RFX3: variants seen among roughly 807,000 people sequenced by gnomAD.
The protein encoded by RFX3 is transcription factor RFX3.
Under a neutral mutation model 98.6 loss-of-function variants are expected in RFX3, and 14 were observed. That is an observed-to-expected ratio of 0.14 (90% CI 0.09 to 0.22). The LOEUF is 0.22. Among genes scored for constraint, RFX3 ranks in the 10% least tolerant of loss-of-function variants. The pLI is 1.00. For missense variants in RFX3, 639 were observed against 926.9 expected (o/e 0.69, Z 4.03); for synonymous variants, 383 against 328.4 (o/e 1.17, Z -1.80).
chr9:3,463,119 T>C (rs1847857364), intron 1 of RFX3, among the ~76,000 whole-genome samples: 1 of 152,128 alleles, frequency 6.6e-6, no homozygotes, highest in Non-Finnish European at 1.5e-5. Flanking sequence ...TGGGAGGGAT[T>C]ATATATTACT....
Position 3,235,994 on chromosome 9 carries a change from G to C in RFX3, c.1969-7105C>G, listed in dbSNP as rs577977007. Reference sequence around the variant, plus strand: ...TTTTTAAATTATCACATTTGCTTGAGTGAAACCATATGACTTTTTTTTTCT... The same window carrying C: ...TTTTTAAATTATCACATTTGCTTGACTGAAACCATATGACTTTTTTTTTCT... On this transcript the variant is annotated intron_variant, in intron 15 of 16. Coordinates refer to ENST00000617270, the MANE Select transcript of RFX3 (RefSeq NM_001282116.2). Among the ~76,000 whole-genome samples the C allele has an allele frequency of 8.5e-4, 130 of 152,180 alleles. 1 individual carries two copies. Among genetic ancestry groups the C allele is most frequent in the South Asian group, 4.8e-3 (23 of 4,826 alleles).
At chr9:3,296,829 C>T (rs765691821) in intron 5 of RFX3, among the ~76,000 whole-genome samples, 3 of 152,022 alleles carry the variant, frequency 2.0e-5, no homozygotes, top group Non-Finnish European at 1.5e-5. Context: ...TAACCCACCT[C>T]GGGCTAGATC....
chr9:3,242,814 A>G (rs1820136670), intron 15 of RFX3, among the ~76,000 whole-genome samples: 1 of 152,030 alleles, frequency 6.6e-6, no homozygotes, highest in Non-Finnish European at 1.5e-5. Flanking sequence ...CTGAAATATT[A>G]TCTTTTCTAT....
intron 1 of RFX3, among the ~76,000 whole-genome samples, chr9:3,412,493 T>C (rs909216733): frequency 6.6e-5 from 10 of 152,338 alleles, no homozygotes; most frequent in Middle Eastern, 3.4e-3. Context: ...TAAAGATATA[T>C]TAATTCATTT....
At chr9:3,372,396 A>T (rs1837960448) in intron 2 of RFX3, among the ~76,000 whole-genome samples, 1 of 152,160 alleles carries the variant, frequency 6.6e-6, no homozygotes, top group African/African-American at 2.4e-5. Context: ...TTTTCCCAAT[A>T]TCCTACCACT....
At chr9:3,263,618 G>C (rs1326956738) in intron 12 of RFX3, among the ~76,000 whole-genome samples, 1 of 152,124 alleles carries the variant, frequency 6.6e-6, no homozygotes, top group Non-Finnish European at 1.5e-5. Flanking sequence ...GAGTAATTTT[G>C]AGGCGAGATT....
chr9:3,314,952 T>C (rs1213429864), intron 4 of RFX3, among the ~76,000 whole-genome samples: 4 of 152,134 alleles, frequency 2.6e-5, no homozygotes, highest in Non-Finnish European at 5.9e-5. Flanking sequence ...ACTGTCAACA[T>C]TAGACAGATC....
intron 1 of RFX3, among the ~76,000 whole-genome samples, chr9:3,446,678 A>G (rs1009513779): frequency 1.3e-5 from 2 of 151,914 alleles, no homozygotes; most frequent in Non-Finnish European, 1.5e-5. Flanking sequence ...TATGATTTTC[A>G]ATTAAAATAT....
Position 3,293,058 on chromosome 9 carries a change from C to A in RFX3, c.731+19G>T, listed in dbSNP as rs1466229082. On this transcript the variant is annotated intron_variant, in intron 6 of 16. Coordinates refer to ENST00000617270, the MANE Select transcript of RFX3 (RefSeq NM_001282116.2). ...TGAAAAAGAGAGATTAGTTTATGAT[C>A]TTATTTTTCAATACTAACCTAGTGC... The A allele has an allele frequency of 4.4e-6, 7 of 1,578,684 alleles. No homozygotes were observed. Among genetic ancestry groups the A allele is most frequent in the Non-Finnish European group, 6.0e-6 (7 of 1,159,352 alleles).
chr9:3,425,500 T>C (rs973383330), intron 1 of RFX3, among the ~76,000 whole-genome samples: 2 of 152,210 alleles, frequency 1.3e-5, no homozygotes, highest in East Asian at 3.8e-4. Flanking sequence ...AATAGCCCTA[T>C]CTTCTCTGTA....
Position 3,336,732 on chromosome 9 carries a change from T to C in RFX3, c.216-6215A>G, listed in dbSNP as rs1182575765. Among the ~76,000 whole-genome samples, 6 of 152,256 alleles carry C rather than the reference T, an allele frequency of 3.9e-5. No homozygotes were observed. The East Asian group carries it at 1.2e-3, about 29-fold the overall frequency. ...TAAACATGCATGCAGTGTAAACAAT[T>C]TTCTTAACTGCAGGCCATGATCCAG... On this transcript the variant is annotated intron_variant, in intron 3 of 16. Transcript: ENST00000617270.
intron 1 of RFX3, among the ~76,000 whole-genome samples, chr9:3,422,525 C>G (rs1843546341): frequency 6.6e-6 from 1 of 152,198 alleles, no homozygotes; most frequent in Admixed American, 6.5e-5. Context: ...TTATTAGAAG[C>G]AACTCTTTTC....
intron 8 of RFX3, among the ~76,000 whole-genome samples, chr9:3,276,000 T>C (rs930248147): frequency 6.6e-6 from 1 of 152,158 alleles, no homozygotes; most frequent in Non-Finnish European, 1.5e-5. Context: ...AAACTCATTA[T>C]GTTCTTAACT....
At chr9:3,486,982 C>T (rs938044230) in intron 1 of RFX3, among the ~76,000 whole-genome samples, 1 of 152,088 alleles carries the variant, frequency 6.6e-6, no homozygotes, top group African/African-American at 2.4e-5. Flanking sequence ...TTTCTAGAAA[C>T]TATTACCATT....
At chr9:3,341,370 A>G (rs1330841039) in intron 3 of RFX3, among the ~76,000 whole-genome samples, 1 of 151,852 alleles carries the variant, frequency 6.6e-6, no homozygotes, top group African/African-American at 2.4e-5. Context: ...AAACCTGCAC[A>G]TTGTGCACAT....
At chr9:3,387,603 C>A (rs1412970616) in intron 2 of RFX3, among the ~76,000 whole-genome samples, 1 of 151,710 alleles carries the variant, frequency 6.6e-6, no homozygotes, top group Non-Finnish European at 1.5e-5. Context: ...AAAAATAAAT[C>A]TCTCCAAGAG....
intron 1 of RFX3, among the ~76,000 whole-genome samples, chr9:3,417,333 A>T (rs979501616): frequency 6.6e-6 from 1 of 152,152 alleles, no homozygotes; most frequent in African/African-American, 2.4e-5. Context: ...CAATTTGTGC[A>T]AACTGACATT....
rs1227279321 is a variant in RFX3, at chr9:3,221,924, A to C, written c.*3118T>G. On this transcript the variant is annotated 3_prime_UTR_variant, in exon 17 of 17. Transcript: ENST00000617270. ...ATTTCATGACTAGTGATTGGTTATA[A>C]TTGCAAGAAATACAAAGAAGTCTTA... 1 of 152,148 alleles carries C rather than the reference A, an allele frequency of 6.6e-6. No individual in the cohort carries two copies. The allele number at this position is 152,148 out of a possible 1,614,324, so 9.4% of individuals were successfully genotyped here.
intron 1 of RFX3, among the ~76,000 whole-genome samples, chr9:3,506,102 T>C (rs76793073): frequency 0.017 from 2,640 of 151,770 alleles, 96 homozygotes; most frequent in African/African-American, 0.06. Context: ...TAAGATGACT[T>C]CACAAACGGC....
Sources: gnomAD v4.1 joint callset for allele counts (sites outside exome capture counted in the v4.1 genomes callset) on GRCh38, gnomAD v4.1.1 for gene constraint, MANE v1.5 for transcripts, NCBI Gene and HGNC (gene_info 2026-07-23, HGNC 2026-07-21) for gene names.